The following NR3C2 variants were observed in gnomAD, a reference collection of about 807,000 sequenced individuals.
NR3C2 encodes mineralocorticoid receptor.
NR3C2 carries 15 observed loss-of-function variants against 86.4 expected under a neutral mutation model. The observed-to-expected ratio is 0.17, with a 90% CI of 0.12 to 0.27. The LOEUF is 0.27. NR3C2 is among the 10% of genes least tolerant of loss of function. The pLI, the probability that NR3C2 is intolerant of heterozygous loss-of-function variation, is 1.00. For synonymous variants in NR3C2, 458 were observed against 450.5 expected (o/e 1.02, Z -0.21); for missense variants, 960 against 1,195.6 (o/e 0.80, Z 2.91).
intron 2 of NR3C2, among the ~76,000 whole-genome samples, chr4:148,278,149 T>A (rs2149893181): frequency 6.6e-6 from 1 of 152,312 alleles, no homozygotes; most frequent in East Asian, 1.9e-4. Flanking sequence ...TTACCCAGGC[T>A]GGAGTGCAGT....
chr4:148,080,893 T>A lies in NR3C2; in HGVS notation c.*451A>T, dbSNP rs1560909517. 4 of 361,620 alleles carry A rather than the reference T, an allele frequency of 1.1e-5. No individual in the cohort carries two copies. Among genetic ancestry groups the A allele is most frequent in the Middle Eastern group, 5.7e-4 (1 of 1,740 alleles). 22.4% of individuals were successfully genotyped at this position (361,620 alleles called of 1,614,324 possible). A position where few individuals can be genotyped will look rare whatever the true frequency, so the allele number is the denominator to read the frequency against. ...TTTTTATTATTTTTTTGTGTTTTTT[T>A]AATAACAAAAGAATATTAATGCCCC... On this transcript the variant is annotated 3_prime_UTR_variant, in exon 9 of 9. Transcript: ENST00000358102.
At chr4:148,182,076 A>G (rs1335057997) in intron 4 of NR3C2, among the ~76,000 whole-genome samples, 1 of 152,248 alleles carries the variant, frequency 6.6e-6, no homozygotes, top group Non-Finnish European at 1.5e-5. Flanking sequence ...GCTAAAAGAA[A>G]AGGTCTTCCA....
At chr4:148,321,881 T>C (rs1174787653) in intron 2 of NR3C2, among the ~76,000 whole-genome samples, 1 of 152,200 alleles carries the variant, frequency 6.6e-6, no homozygotes, top group Non-Finnish European at 1.5e-5. Context: ...CATTTACATT[T>C]AAAGTTAATA....
chr4:148,287,599 T>A, intron 2 of NR3C2, among the ~76,000 whole-genome samples: 1 of 152,284 alleles, frequency 6.6e-6, no homozygotes, highest in Non-Finnish European at 1.5e-5. Context: ...AAATTCAAAT[T>A]CTATTAAGGC....
chr4:148,420,804 C>G (rs1360092215), intron 2 of NR3C2, among the ~76,000 whole-genome samples: 2 of 152,140 alleles, frequency 1.3e-5, no homozygotes, highest in Non-Finnish European at 2.9e-5. Context: ...TCTGGTTATT[C>G]AAAAGTGTGT....
At chr4:148,346,321 A>G (rs1206292012) in intron 2 of NR3C2, among the ~76,000 whole-genome samples, 1 of 152,116 alleles carries the variant, frequency 6.6e-6, no homozygotes, top group South Asian at 2.1e-4. Flanking sequence ...CGGTGGTGAC[A>G]TGGTCCATGG....
At chr4:148,198,739 A>G (rs896119778) in intron 3 of NR3C2, among the ~76,000 whole-genome samples, 2 of 152,038 alleles carry the variant, frequency 1.3e-5, no homozygotes, top group Admixed American at 1.3e-4. Flanking sequence ...AAAAAAATTT[A>G]AAAAGGTGGT....
intron 2 of NR3C2, among the ~76,000 whole-genome samples, chr4:148,292,965 T>C (rs1481350608): frequency 6.6e-6 from 1 of 152,072 alleles, no homozygotes; most frequent in Non-Finnish European, 1.5e-5. Flanking sequence ...GACACAGAGA[T>C]GATATTGAGT....
chr4:148,162,199 A>G (rs1477357821), intron 4 of NR3C2, among the ~76,000 whole-genome samples: 1 of 152,176 alleles, frequency 6.6e-6, no homozygotes, highest in African/African-American at 2.4e-5. Context: ...TACAGAGACA[A>G]TAACAAATTT....
intron 3 of NR3C2, among the ~76,000 whole-genome samples, chr4:148,202,785 T>G (rs9997923): frequency 0.03 from 4,613 of 152,176 alleles, 236 homozygotes; most frequent in African/African-American, 0.11. Context: ...GGTTCCCCCC[T>G]CATCCCCCTT....
intron 3 of NR3C2, among the ~76,000 whole-genome samples, chr4:148,211,262 C>A (rs916463492): frequency 6.6e-6 from 1 of 152,128 alleles, no homozygotes; most frequent in African/African-American, 2.4e-5. Flanking sequence ...ATAAATAAAA[C>A]CCGAAAAATA....
chr4:148,441,387 G>T (rs964482896), intron 1 of NR3C2, among the ~76,000 whole-genome samples: 10 of 152,144 alleles, frequency 6.6e-5, no homozygotes, highest in Admixed American at 1.3e-4. Flanking sequence ...TAGAGAAATG[G>T]CAATACAAAA....
intron 2 of NR3C2, among the ~76,000 whole-genome samples, chr4:148,380,613 G>A (rs1373180049): frequency 6.6e-6 from 1 of 152,110 alleles, no homozygotes; most frequent in Non-Finnish European, 1.5e-5. Flanking sequence ...ACTTGTTACT[G>A]TCTCTTTGAT....
chr4:148,327,533 TAGTC>T (rs917740111), intron 2 of NR3C2, among the ~76,000 whole-genome samples: 1 of 152,156 alleles, frequency 6.6e-6, no homozygotes, highest in African/African-American at 2.4e-5. Context: ...TTCTTCCCCA[TAGTC>T]AGTAATCAGT....
Position 148,194,878 on chromosome 4 carries a change from A to C in NR3C2, c.1898-16T>G, listed in dbSNP as rs1323814231. ...TTGTGTTGCCCTGATTAAAATAATA[A>C]AAAATAACTGTTAAAATAGAGTACA... On this transcript the variant is annotated splice_polypyrimidine_tract_variant and intron_variant, in intron 3 of 8. Transcript: ENST00000358102. 6.4e-7 allele frequency: 1 copy of C among 1,560,516 alleles called. No homozygotes were observed. Among genetic ancestry groups the C allele is most frequent in the Non-Finnish European group, 8.8e-7 (1 of 1,135,608 alleles).
At chr4:148,342,367 T>C (rs1426810189) in intron 2 of NR3C2, among the ~76,000 whole-genome samples, 3 of 152,144 alleles carry the variant, frequency 2.0e-5, no homozygotes, top group Non-Finnish European at 4.4e-5. Context: ...TCTGTTTAAT[T>C]CAACAAACAT....
chr4:148,219,092 G>A (rs1168444923), intron 3 of NR3C2, among the ~76,000 whole-genome samples: 1 of 152,096 alleles, frequency 6.6e-6, no homozygotes, highest in Non-Finnish European at 1.5e-5. Flanking sequence ...TATATGACGT[G>A]TTTTTCCATA....
At chr4:148,236,854 C>T (rs577981026) in intron 3 of NR3C2, among the ~76,000 whole-genome samples, 10 of 152,282 alleles carry the variant, frequency 6.6e-5, no homozygotes, top group African/African-American at 2.2e-4. Context: ...GTTATAAACA[C>T]ATCGATGCAA....
At chr4:148,331,050 A>G (rs1744207608) in intron 2 of NR3C2, among the ~76,000 whole-genome samples, 1 of 152,164 alleles carries the variant, frequency 6.6e-6, no homozygotes, top group African/African-American at 2.4e-5. Context: ...TTATAAAATT[A>G]CCCAGTCTCA....
Sources: gnomAD v4.1 joint callset for allele counts (sites outside exome capture counted in the v4.1 genomes callset) on GRCh38, gnomAD v4.1.1 for gene constraint, MANE v1.5 for transcripts, NCBI Gene and HGNC (gene_info 2026-07-23, HGNC 2026-07-21) for gene names.